The following ERC1 variants were observed in gnomAD, a reference collection of about 807,000 sequenced individuals.
ERC1 encodes RAB6 interacting protein 2.
In ERC1, 56 loss-of-function variants were observed where a neutral mutation model predicts 132.0. The observed-to-expected ratio is 0.42, with a 90% CI of 0.34 to 0.53. The LOEUF (loss-of-function observed/expected upper bound fraction) is 0.53. ERC1 is among the 20% of genes least tolerant of loss of function. ERC1 has a pLI of 0.03. For synonymous variants in ERC1, 478 were observed against 476.1 expected (o/e 1.00, Z -0.05); for missense variants, 1,202 against 1,349.9 (o/e 0.89, Z 1.72).
At chr12:1,295,836 T>G (rs1291227219) in intron 15 of ERC1, among the ~76,000 whole-genome samples, 1 of 152,012 alleles carries the variant, frequency 6.6e-6, no homozygotes, top group Non-Finnish European at 1.5e-5. Flanking sequence ...GACTTATATG[T>G]ACTAGAATAA....
intron 15 of ERC1, among the ~76,000 whole-genome samples, chr12:1,322,063 A>G (rs961999465): frequency 2.7e-5 from 4 of 148,204 alleles, no homozygotes; most frequent in African/African-American, 5.0e-5. Flanking sequence ...TGATGCTTTG[A>G]TAAGTAGTCA....
chr12:1,398,329 G>A (rs987990957), intron 16 of ERC1, among the ~76,000 whole-genome samples: 3 of 152,124 alleles, frequency 2.0e-5, no homozygotes, highest in South Asian at 2.1e-4. Flanking sequence ...GATAGTAATT[G>A]TATTGGTTTT....
chr12:1,085,082 A>G (rs1330383368), intron 3 of ERC1, among the ~76,000 whole-genome samples: 13 of 10,704 alleles, frequency 1.2e-3, no homozygotes, highest in African/African-American at 1.9e-3. Context: ...TATTATTATT[A>G]TTGTTGTTGT....
intron 3 of ERC1, among the ~76,000 whole-genome samples, chr12:1,103,357 T>C (rs1944890195): frequency 6.6e-6 from 1 of 152,090 alleles, no homozygotes; most frequent in Non-Finnish European, 1.5e-5. Flanking sequence ...ACTTGGGCTC[T>C]AGTTGGAGTC....
In ERC1 at chr12:1,490,752, G is replaced by T; in HGVS notation, c.*522G>T. ...GAAGGGGGGAAGGGAAGAGAAAATC[G>T]ACTCTTCTTTTTACTGTCTCTTCTG... On this transcript the variant is annotated 3_prime_UTR_variant, in exon 19 of 19. Transcript: ENST00000360905. 4.3e-6 allele frequency: 1 copy of T among 234,238 alleles called. No homozygotes were observed. The highest frequency in any genetic ancestry group is 8.4e-6 in the Non-Finnish European group (1 of 118,728). 14.5% of individuals were successfully genotyped at this position (234,238 alleles called of 1,614,324 possible).
At chr12:1,369,680 C>T (rs2086996202) in intron 15 of ERC1, among the ~76,000 whole-genome samples, 1 of 152,132 alleles carries the variant, frequency 6.6e-6, no homozygotes, top group Non-Finnish European at 1.5e-5. Context: ...CATTTCACCA[C>T]TTAACATATT....
intron 13 of ERC1, among the ~76,000 whole-genome samples, chr12:1,245,234 C>T (rs2076086720): frequency 6.6e-6 from 1 of 152,184 alleles, no homozygotes. Context: ...TCTTTGCTAT[C>T]ATTTTTCTCT....
intron 7 of ERC1, among the ~76,000 whole-genome samples, chr12:1,126,856 C>T (rs991985020): frequency 6.6e-6 from 1 of 151,854 alleles, no homozygotes; most frequent in East Asian, 1.9e-4. Flanking sequence ...GGCGTGGTGG[C>T]ACGTGCCTGT....
At chr12:1,362,438 CTCTCTCTCTG>C (rs1231819164) in intron 15 of ERC1, among the ~76,000 whole-genome samples, 2 of 151,900 alleles carry the variant, frequency 1.3e-5, no homozygotes, top group Non-Finnish European at 2.9e-5. Context: ...AGCTCTGTCT[CTCTCTCTCTG>C]TCTCTCTCTC....
In ERC1 at chr12:1,022,670, A is replaced by G. The variant is rs926936343; in HGVS notation, c.-156-5078A>G. Among the ~76,000 whole-genome samples, 94 of 151,672 alleles carry G rather than the reference A, an allele frequency of 6.2e-4. 1 individual carries two copies. The highest frequency in any genetic ancestry group is 1.1e-3 in the Non-Finnish European group (77 of 67,884). On this transcript the variant is annotated intron_variant, in intron 1 of 18. Transcript: ENST00000360905. ...AGTGAGTGCTCACGAGATCGATTTT[A>G]TTTTTTCTTTTTTGAGACAGAGTCT...
At chr12:1,270,384 A>G (rs997223993) in intron 14 of ERC1, among the ~76,000 whole-genome samples, 2 of 151,884 alleles carry the variant, frequency 1.3e-5, no homozygotes, top group African/African-American at 4.8e-5. Context: ...ATTTTTTTGC[A>G]TTTTTATTAG....
intron 16 of ERC1, among the ~76,000 whole-genome samples, chr12:1,392,377 GA>G (rs1414037847): frequency 6.6e-6 from 1 of 152,122 alleles, no homozygotes; most frequent in Non-Finnish European, 1.5e-5. Flanking sequence ...TTCTCTTTAG[GA>G]AAATAAAATG....
chr12:1,342,427 A>G (rs1030171912), intron 15 of ERC1, among the ~76,000 whole-genome samples: 1 of 151,196 alleles, frequency 6.6e-6, no homozygotes, highest in African/African-American at 2.4e-5. Flanking sequence ...AGATTGCGCC[A>G]TCGCACTCCA....
chr12:1,458,598 G>A (rs565601442), intron 18 of ERC1, among the ~76,000 whole-genome samples: 6 of 149,624 alleles, frequency 4.0e-5, no homozygotes, highest in Admixed American at 1.3e-4. Context: ...GCAATGGCAC[G>A]ATCTTGGCTC....
chr12:998,853 CTT>C (rs527367596), intron 1 of ERC1, among the ~76,000 whole-genome samples: 13,528 of 101,366 alleles, frequency 0.13, 587 homozygotes, highest in African/African-American at 0.26. Context: ...TTCTCTGTCA[CTT>C]TTTTTTTTTT....
chr12:1,401,339 A>T (rs10773943), intron 16 of ERC1, among the ~76,000 whole-genome samples: 1 of 151,914 alleles, frequency 6.6e-6, no homozygotes, highest in Non-Finnish European at 1.5e-5. Context: ...ATAGTAGTAG[A>T]AGAAGAAATG....
At chr12:1,394,129 A>ATGTG (rs2090287744) in intron 16 of ERC1, among the ~76,000 whole-genome samples, 1 of 150,414 alleles carries the variant, frequency 6.6e-6, no homozygotes, top group Non-Finnish European at 1.5e-5. Flanking sequence ...GGCCGGGCAC[A>ATGTG]GTGGCTCACA....
At chr12:1,473,912 G>A (rs1472783896) in intron 18 of ERC1, among the ~76,000 whole-genome samples, 4 of 152,180 alleles carry the variant, frequency 2.6e-5, no homozygotes, top group Admixed American at 2.6e-4. Flanking sequence ...AAAAGATTGA[G>A]GTTTAGAGGG....
intron 13 of ERC1, among the ~76,000 whole-genome samples, chr12:1,244,239 T>G (rs1475386982): frequency 6.6e-6 from 1 of 152,178 alleles, no homozygotes; most frequent in African/African-American, 2.4e-5. Context: ...ATCGAATGAC[T>G]GGTTATATTT....
Sources: allele counts gnomAD v4.1 joint callset (sites outside exome capture counted in the v4.1 genomes callset), GRCh38; gene constraint gnomAD v4.1.1; transcripts MANE v1.5; gene names NCBI Gene and HGNC (gene_info 2026-07-23, HGNC 2026-07-21).